The following SLC35F1 variants were observed in gnomAD, a reference collection of about 807,000 sequenced individuals.
SLC35F1 encodes the protein solute carrier family 35 member F1.
SLC35F1 carries 14 observed loss-of-function variants against 48.7 expected under a neutral mutation model. The observed-to-expected ratio is 0.29, with a 90% CI of 0.19 to 0.45. The LOEUF (loss-of-function observed/expected upper bound fraction) is 0.45. Ranked by LOEUF, SLC35F1 falls within the 20% of genes least tolerant of loss-of-function variation. SLC35F1 has a pLI of 1.00. For synonymous variants in SLC35F1, 190 were observed against 202.2 expected, an observed-to-expected ratio of 0.94 and a Z score of 0.51; for missense variants, 404 against 500.0, an observed-to-expected ratio of 0.81 and a Z score of 1.83.
intron 7 of SLC35F1, among the ~76,000 whole-genome samples, chr6:118,310,764 A>G (rs1446121447): frequency 6.6e-6 from 1 of 152,192 alleles, no homozygotes; most frequent in Non-Finnish European, 1.5e-5. Context: ...AAGTGCATTA[A>G]AAATAAACTA....
At chr6:118,235,672 T>C (rs1775355295) in intron 3 of SLC35F1, 36 bp downstream of exon 3, 2 of 1,597,748 alleles carry the variant, frequency 1.3e-6, no homozygotes, top group African/African-American at 1.3e-5. Context: ...CAACTTCCTC[T>C]ATCCAGATGT....
At chr6:118,286,704 A>G (rs531810920) in intron 7 of SLC35F1, among the ~76,000 whole-genome samples, 331 of 152,244 alleles carry the variant, frequency 2.2e-3, no homozygotes, top group Non-Finnish European at 3.4e-3. Context: ...TTTTGGATGT[A>G]TGTATACATT....
intron 1 of SLC35F1, among the ~76,000 whole-genome samples, chr6:118,091,502 C>T (rs1201720622): frequency 6.6e-6 from 1 of 152,212 alleles, no homozygotes; most frequent in Non-Finnish European, 1.5e-5. Flanking sequence ...CCTCCTTCAC[C>T]TTCCACCATG....
intron 1 of SLC35F1, among the ~76,000 whole-genome samples, chr6:117,998,495 C>T (rs1777035378): frequency 6.6e-6 from 1 of 152,148 alleles, no homozygotes; most frequent in Admixed American, 6.5e-5. Context: ...CCACACCACA[C>T]CTATTCCAAA....
intron 1 of SLC35F1, among the ~76,000 whole-genome samples, chr6:118,067,722 A>G (rs1346026630): frequency 6.6e-6 from 1 of 152,166 alleles, no homozygotes; most frequent in Non-Finnish European, 1.5e-5. Flanking sequence ...AATTAGATTA[A>G]AGCAGGACGA....
At chr6:117,926,565 T>TAGAGAATAG (rs1368956681) in intron 1 of SLC35F1, among the ~76,000 whole-genome samples, 1 of 151,996 alleles carries the variant, frequency 6.6e-6, no homozygotes, top group African/African-American at 2.4e-5. Flanking sequence ...GTGGGGGTTA[T>TAGAGAATAG]AGAGAATAGA....
intron 1 of SLC35F1, among the ~76,000 whole-genome samples, chr6:117,980,627 C>T (rs1002698932): frequency 2.6e-5 from 4 of 152,102 alleles, no homozygotes; most frequent in African/African-American, 9.7e-5. Flanking sequence ...AGGTCTCTGA[C>T]TTTAGGGAGC....
At chr6:118,282,428 TA>T (rs35208150) in intron 6 of SLC35F1, among the ~76,000 whole-genome samples, 76,051 of 151,936 alleles carry the variant, frequency 0.5, 19,342 homozygotes, top group Non-Finnish European at 0.55. Flanking sequence ...CTGCAACATT[TA>T]AAAATAGGTT....
intron 6 of SLC35F1, among the ~76,000 whole-genome samples, chr6:118,280,609 G>T (rs1401046310): frequency 1.3e-5 from 2 of 152,110 alleles, no homozygotes; most frequent in African/African-American, 2.4e-5. Flanking sequence ...CAGGTGCAGT[G>T]GCTCACACCT....
At chr6:118,176,731 G>T (rs549502032) in intron 2 of SLC35F1, among the ~76,000 whole-genome samples, 1 of 152,012 alleles carries the variant, frequency 6.6e-6, no homozygotes, top group Non-Finnish European at 1.5e-5. Flanking sequence ...TTGTGTGTTT[G>T]TTTTTCTTTT....
At chr6:117,914,898 TA>T (rs1244257218) in intron 1 of SLC35F1, among the ~76,000 whole-genome samples, 3 of 152,014 alleles carry the variant, frequency 2.0e-5, no homozygotes, top group African/African-American at 4.8e-5. Context: ...ACTTAGGGCT[TA>T]AAAAATATTA....
At chr6:117,971,133 T>G (rs34390485) in intron 1 of SLC35F1, among the ~76,000 whole-genome samples, 5,855 of 152,288 alleles carry the variant, frequency 0.038, 168 homozygotes, top group Middle Eastern at 0.082. Flanking sequence ...GGTACAGGCA[T>G]TGGGTAAATA....
intron 1 of SLC35F1, among the ~76,000 whole-genome samples, chr6:118,117,653 A>G (rs988145622): frequency 1.3e-5 from 2 of 152,234 alleles, no homozygotes; most frequent in African/African-American, 4.8e-5. Flanking sequence ...GCATAATTAT[A>G]TACAATCATG....
intron 1 of SLC35F1, among the ~76,000 whole-genome samples, chr6:118,118,048 A>G (rs1220122601): frequency 6.6e-6 from 1 of 152,172 alleles, no homozygotes; most frequent in Non-Finnish European, 1.5e-5. Context: ...ACATTAACAT[A>G]TACAATTTTG....
intron 1 of SLC35F1, among the ~76,000 whole-genome samples, chr6:118,052,445 C>G (rs924524717): frequency 6.6e-6 from 1 of 152,050 alleles, no homozygotes; most frequent in Non-Finnish European, 1.5e-5. Flanking sequence ...TACTATTGCA[C>G]AAAGACAAAG....
chr6:117,928,818 C>T (rs900432843), intron 1 of SLC35F1, among the ~76,000 whole-genome samples: 2 of 152,064 alleles, frequency 1.3e-5, no homozygotes, highest in African/African-American at 4.8e-5. Flanking sequence ...TCATGTCTCA[C>T]CAGTACTACA....
At chr6:118,240,995 G>A (rs1417237976) in intron 3 of SLC35F1, among the ~76,000 whole-genome samples, 1 of 152,178 alleles carries the variant, frequency 6.6e-6, no homozygotes, top group African/African-American at 2.4e-5. Flanking sequence ...GCAAGGTAAT[G>A]TGACACATTT....
At chr6:118,039,203 G>A (rs1772175660) in intron 1 of SLC35F1, among the ~76,000 whole-genome samples, 1 of 151,914 alleles carries the variant, frequency 6.6e-6, no homozygotes, top group South Asian at 2.1e-4. Context: ...GACCTACATG[G>A]TTTCTGATGA....
intron 1 of SLC35F1, among the ~76,000 whole-genome samples, chr6:117,998,812 A>T (rs949647342): frequency 6.6e-6 from 1 of 152,248 alleles, no homozygotes; most frequent in East Asian, 1.9e-4. Flanking sequence ...ATATGCCCAC[A>T]AGAGAAAGCA....
Sources: allele counts gnomAD v4.1 joint callset (sites outside exome capture counted in the v4.1 genomes callset), GRCh38; gene constraint gnomAD v4.1.1; transcripts MANE v1.5; gene names NCBI Gene and HGNC (gene_info 2026-07-23, HGNC 2026-07-21).